The following LAMA5 variants were observed in gnomAD, a reference collection of about 807,000 sequenced individuals.
The protein encoded by LAMA5 is laminin subunit alpha-5.
LAMA5 carries 260 observed loss-of-function variants against 433.4 expected under a neutral mutation model. The observed-to-expected ratio is 0.60, with a 90% CI of 0.54 to 0.66. The LOEUF (loss-of-function observed/expected upper bound fraction) is 0.66. Among genes scored for constraint, LAMA5 ranks in the 30% least tolerant of loss-of-function variants. The pLI, the probability that LAMA5 is intolerant of heterozygous loss-of-function variation, is 0.00. For synonymous variants in LAMA5, 2,620 were observed against 2,226.6 expected, an observed-to-expected ratio of 1.18 and a Z score of -4.97; for missense variants, 5,378 against 5,258.5, an observed-to-expected ratio of 1.02 and a Z score of -0.70.
intron 65 of LAMA5, 34 bp from the exon 66 acceptor site, chr20:62,313,044 G>C (rs1431955474): frequency 6.3e-7 from 1 of 1,599,188 alleles, no homozygotes. Context: ...TGTGGGGCAG[G>C]GTCAGTGCAA....
chr20:62,316,172 G>A (rs151234917), intron 57 of LAMA5, 114 bp from the exon 58 acceptor site: 38 of 702,100 alleles, frequency 5.4e-5, no homozygotes, highest in Non-Finnish European at 8.7e-5. Flanking sequence ...GCAGACAGAT[G>A]GACAGGGACA....
At chr20:62,366,805 G>A (rs1601446797) in intron 1 of LAMA5, 144 bp downstream of exon 1, 2 of 1,139,454 alleles carry the variant, frequency 1.8e-6, no homozygotes, top group East Asian at 6.4e-5. Context: ...CCGGGTCGGG[G>A]TGCCTTCTTG....
rs1568905942 is a variant in LAMA5 at position 62,317,223 on chromosome 20, C to T, written c.7511+122G>A. 9.6e-6 allele frequency: 12 copies of T among 1,247,384 alleles called. No individual in the cohort carries two copies. The East Asian group carries it at 2.4e-4, about 25-fold the overall frequency. The allele number at this position is 1,247,384 out of a possible 1,614,324, so 77.3% of individuals were successfully genotyped here. A position where few individuals can be genotyped will look rare whatever the true frequency, so the allele number is the denominator to read the frequency against. On this transcript the variant is annotated intron_variant, in intron 55 of 79. Coordinates refer to ENST00000252999, the MANE Select transcript of LAMA5 (RefSeq NM_005560.6). ...CAGCTTGCCGTGGAGCTGAGGAAGG[C>T]CTGGCTTCTTTGAGGACAACGGCCT... is the stretch of plus-strand genomic sequence containing the variant.
At chr20:62,317,529 C>T in intron 54 of LAMA5, 30 bp from the exon 55 acceptor site, 1 of 1,531,524 alleles carries the variant, frequency 6.5e-7, no homozygotes, top group South Asian at 1.3e-5. Flanking sequence ...AGCCCCTCAT[C>T]CTGCTCACAG....
chr20:62,332,455 C>T lies in LAMA5; in HGVS notation c.3469G>A (p.Asp1157Asn). ...AAGACAGCCAGGTGGTCCTGGGTAT[C>T]CCGGGCAGTGCCCCGGCACAGGGTG... ...YSTLCRGTAR[D>N]TQDHLAVFHL... Residue 1157 changes from aspartate (D) to asparagine (N), a missense_variant, in exon 28 of 80, where the codon GAT becomes AAT. Coordinates refer to ENST00000252999, the MANE Select transcript of LAMA5 (RefSeq NM_005560.6). 1 of 1,612,662 alleles carries T rather than the reference C, an allele frequency of 6.2e-7. No individual in the cohort carries two copies. The highest frequency in any genetic ancestry group is 8.5e-7 in the Non-Finnish European group (1 of 1,179,928).
In LAMA5 at chr20:62,309,306, G is replaced by GC. The variant is rs1158292550; in HGVS notation, c.*29dup. On this transcript the variant is annotated 3_prime_UTR_variant, in exon 80 of 80. Coordinates refer to ENST00000252999, the MANE Select transcript of LAMA5 (RefSeq NM_005560.6). The stretch of plus-strand genomic sequence containing the variant: ...GGGGCGGTGTGAGGCAGCTGCAGGG[G>GC]CCTGACCAGGGGCCGGGGTTGGCTG... 1 of 1,587,786 alleles carries GC rather than the reference G, an allele frequency of 6.3e-7. No homozygotes were observed. The highest frequency in any genetic ancestry group is 8.5e-7 in the Non-Finnish European group (1 of 1,175,126).
At position 62,309,701 on chromosome 20, in the gene LAMA5, C is replaced by A; in HGVS notation, c.10948+15G>T. 1 of 1,513,266 alleles carries A rather than the reference C, an allele frequency of 6.6e-7. No homozygotes were observed. Among genetic ancestry groups the A allele is most frequent in the Non-Finnish European group, 8.9e-7 (1 of 1,129,452 alleles). 93.7% of individuals were successfully genotyped at this position (1,513,266 alleles called of 1,614,324 possible). A position where few individuals can be genotyped will look rare whatever the true frequency, so the allele number is the denominator to read the frequency against. On this transcript the variant is annotated intron_variant, in intron 79 of 79. Coordinates refer to ENST00000252999, the MANE Select transcript of LAMA5 (RefSeq NM_005560.6). Reference sequence around the variant, plus strand: ...GAGGGGCAGCTCCCCCACCCTTGATCAAGGCCGCACTCACCAGGCAGGCCC... The same window carrying A: ...GAGGGGCAGCTCCCCCACCCTTGATAAAGGCCGCACTCACCAGGCAGGCCC...
chr20:62,329,050 C>G lies in LAMA5; in HGVS notation c.4241G>C (p.Ser1414Thr), dbSNP rs1473244006. The change falls in exon 34 of 80, where the codon AGC becomes ACC. Residue 1414 changes from serine (S) to threonine (T), a missense_variant. By Grantham distance (58) the Ser-to-Thr change is moderately conservative. Transcript: ENST00000252999. ...GTTTCGGCAGAACAGGGATGAGCTG[C>G]TGGGGCTACATGGAGGGGCACGTGG... ...CAAQGYHISP[S>T]SSSLFCRNAA... is the part of the protein sequence containing the mutation. 1 of 1,612,744 alleles carries G rather than the reference C, an allele frequency of 6.2e-7. No individual in the cohort carries two copies. The highest frequency in any genetic ancestry group is 1.7e-5 in the Admixed American group (1 of 59,984).
rs1165293864 is a variant in LAMA5 at position 62,311,531 on chromosome 20, A to G, written c.9812T>C (p.Leu3271Pro). 6.2e-7 allele frequency: 1 copy of G among 1,609,742 alleles called. No individual in the cohort carries two copies. The highest frequency in any genetic ancestry group is 8.5e-7 in the Non-Finnish European group (1 of 1,177,972). The change falls in exon 72 of 80, where the codon CTG (leucine) becomes CCG (proline). Residue 3271 changes from leucine (L) to proline (P), a missense_variant. Physicochemically the swap from Leu to Pro is moderately conservative, Grantham distance 98. Coordinates refer to ENST00000252999, the MANE Select transcript of LAMA5 (RefSeq NM_005560.6). ...CISNVFVQRLLGPQRVFDLQQ... is the reference protein window; with the variant it reads ...CISNVFVQRLPGPQRVFDLQQ... The stretch of plus-strand genomic sequence containing the variant: ...CAGATCAAATACGCGCTGTGGGCCC[A>G]GGAGCCTGTGCAGGGCGGGCAGGCG...
rs142980035 is a variant in LAMA5 at position 62,317,713 on chromosome 20, G to A, written c.7305C>T (p.Asp2435=). The change falls in exon 54 of 80, where the codon GAC becomes GAT. Residue 2435 remains aspartate (D), a synonymous_variant. Transcript: ENST00000252999. ...GCAATCTGAAGACGCTGGCCAGGGT[G>A]TCCCTAGCCGCATGCAGAGTGGCCT... ...TLQATLHAAR[D]TLASVFRLLH... is the part of the protein sequence containing the mutation. The A allele has an allele frequency of 8.2e-3, 13,093 of 1,605,900 alleles. 80 individuals carry two copies. The highest frequency in any genetic ancestry group is 9.7e-3 in the Non-Finnish European group (11,375 of 1,177,032).
At chr20:62,366,593 A>C (rs1986753928) in intron 1 of LAMA5, among the ~76,000 whole-genome samples, 1 of 151,774 alleles carries the variant, frequency 6.6e-6, no homozygotes, top group African/African-American at 2.4e-5. Flanking sequence ...CCCCCTCCCC[A>C]CCGGCAGCAG....
rs200676733 is a variant in LAMA5, at chr20:62,327,183, C to A, written c.5112+50G>T. On this transcript the variant is annotated intron_variant, in intron 38 of 79. Coordinates refer to ENST00000252999, the MANE Select transcript of LAMA5 (RefSeq NM_005560.6). ...GCTCCTGGCTCCCAACCCTCTCAGG[C>A]GTCCTGGCCATCCTCAAAGTGCCTC... The A allele has an allele frequency of 2.1e-6, 3 of 1,439,764 alleles. 1 individual carries two copies. Among genetic ancestry groups the A allele is most frequent in the Non-Finnish European group, 9.2e-7 (1 of 1,092,842 alleles). The allele number at this position is 1,439,764 out of a possible 1,614,324, so 89.2% of individuals were successfully genotyped here. A position where few individuals can be genotyped will look rare whatever the true frequency, so the allele number is the denominator to read the frequency against.
chr20:62,315,926 G>A (rs1986885963), intron 58 of LAMA5, 22 bp downstream of exon 58: 18 of 1,539,600 alleles, frequency 1.2e-5, no homozygotes, highest in Non-Finnish European at 1.5e-5. Flanking sequence ...GGCTGCGAGA[G>A]CCGGGCCCAG....
rs559879520 is a variant in LAMA5 at position 62,320,645 on chromosome 20, G to C, written c.6673C>G (p.Pro2225Ala). The change falls in exon 50 of 80, where the codon CCC becomes GCC. Residue 2225 changes from proline to alanine, a missense_variant. Transcript: ENST00000252999. ...LQSQLRSPLG[P>A]RHETAQQLEV... The stretch of plus-strand genomic sequence containing the variant: ...AGCTGCTGTGCCGTCTCATGGCGGG[G>C]GCCCAGGGGGCTCCGGAGCTGGCTC... 2 of 1,607,254 alleles carry C rather than the reference G, an allele frequency of 1.2e-6. No homozygotes were observed. The highest frequency in any genetic ancestry group is 1.7e-5 in the Admixed American group (1 of 59,342).
intron 66 of LAMA5, 50 bp downstream of exon 66, chr20:62,312,838 C>G: frequency 3.7e-6 from 6 of 1,602,000 alleles, no homozygotes; most frequent in Non-Finnish European, 4.3e-6. Flanking sequence ...GCCCCGCCCC[C>G]ATCGTTCCAT....
At position 62,324,653 on chromosome 20, in the gene LAMA5, G is replaced by A. The variant is rs1393974835; in HGVS notation, c.5530-99C>T. 7 of 753,096 alleles carry A rather than the reference G, an allele frequency of 9.3e-6. No homozygotes were observed. The highest frequency in any genetic ancestry group is 3.1e-5 in the South Asian group (2 of 63,942). 46.7% of individuals were successfully genotyped at this position (753,096 alleles called of 1,614,324 possible). ...AGACCCTCAGGGATCCTGCAGGCAC[G>A]AGGCACTGGGAACCCGTGGAGCATG... On this transcript the variant is annotated intron_variant, in intron 41 of 79. Transcript: ENST00000252999. The surrounding 1 kb of genome is among the most constrained non-coding windows in gnomAD (Gnocchi z 4.4).
At chr20:62,331,555 C>A (rs894025461) in intron 28 of LAMA5, among the ~76,000 whole-genome samples, 5 of 152,102 alleles carry the variant, frequency 3.3e-5, no homozygotes, top group African/African-American at 7.2e-5. Flanking sequence ...ACTCTTATCT[C>A]GAGTGCTGCT....
In LAMA5 at chr20:62,318,610, C is replaced by T; in HGVS notation, c.7083G>A (p.Glu2361=). Residue 2361 remains glutamate, a synonymous_variant, in exon 53 of 80, where the codon GAG becomes GAA. Coordinates refer to ENST00000252999, the MANE Select transcript of LAMA5 (RefSeq NM_005560.6). ...RVQEQLSSLW[E]ENQALATQTR... is the part of the protein sequence containing the mutation. ...TTTGTGTGGCCAGTGCCTGGTTCTC[C>T]TCCCAGAGGCTGCTCAGCTGCTCCT... 1 of 1,610,860 alleles carries T rather than the reference C, an allele frequency of 6.2e-7. No homozygotes were observed. Among genetic ancestry groups the T allele is most frequent in the Non-Finnish European group, 8.5e-7 (1 of 1,179,058 alleles).
At chr20:62,312,345 C>T (rs373970494) in intron 68 of LAMA5, 29 bp from the exon 69 acceptor site, 11 of 1,603,916 alleles carry the variant, frequency 6.9e-6, no homozygotes, top group African/African-American at 6.7e-5. Context: ...TGAGTGCCCG[C>T]GGGTGCCCCT....
Sources: allele counts gnomAD v4.1 joint callset (sites outside exome capture counted in the v4.1 genomes callset), GRCh38; gene constraint gnomAD v4.1.1; non-coding constraint Gnocchi (gnomAD v3.1); transcripts MANE v1.5; gene names NCBI Gene and HGNC (gene_info 2026-07-23, HGNC 2026-07-21).